The following ABHD10 variants were observed in gnomAD, a reference collection of about 807,000 sequenced individuals.
ABHD10 encodes the protein palmitoyl-protein thioesterase ABHD10, mitochondrial.
ABHD10 carries 22 observed loss-of-function variants against 33.1 expected under a neutral mutation model. That is an observed-to-expected ratio of 0.66 (90% CI 0.47 to 0.95). The LOEUF (loss-of-function observed/expected upper bound fraction) is 0.95. Among genes scored for constraint, ABHD10 ranks in the 40% least tolerant of loss-of-function variants. The probability of loss-of-function intolerance (pLI) is 0.00; values close to 1 mark genes in which losing one functional copy is unlikely to be tolerated. For synonymous variants in ABHD10, 146 were observed against 133.9 expected (o/e 1.09, Z -0.62); for missense variants, 352 against 379.9 (o/e 0.93, Z 0.61).
At chr3:111,980,437 T>C (rs535801591) in intron 1 of ABHD10, among the ~76,000 whole-genome samples, 2 of 152,324 alleles carry the variant, frequency 1.3e-5, no homozygotes, top group East Asian at 3.9e-4. Context: ...ATGGATTCTC[T>C]TCTCAAGACT....
Position 111,986,258 on chromosome 3 carries a change from T to C in ABHD10, c.327-6T>C, listed in dbSNP as rs1416927146. 2 of 1,580,542 alleles carry C rather than the reference T, an allele frequency of 1.3e-6. No individual in the cohort carries two copies. Among genetic ancestry groups the C allele is most frequent in the Non-Finnish European group, 1.7e-6 (2 of 1,153,632 alleles). On this transcript the variant is annotated splice_region_variant and splice_polypyrimidine_tract_variant and intron_variant, in intron 2 of 4. Coordinates refer to ENST00000273359, the MANE Select transcript of ABHD10 (RefSeq NM_018394.4). ...TTAGATATAGATTTTTTTCCCCTTT[T>C]TCCAGGTTTGATTACTCAGGAGTTG...
chr3:111,981,824 A>G lies in ABHD10; in HGVS notation c.183A>G (p.Pro61=). 6.3e-7 allele frequency: 1 copy of G among 1,597,494 alleles called. No homozygotes were observed. Among genetic ancestry groups the G allele is most frequent in the South Asian group, 1.1e-5 (1 of 88,476 alleles). The change falls in exon 2 of 5, where the codon CCA becomes CCG. Residue 61 remains proline (P), a synonymous_variant. Transcript: ENST00000273359. The part of the protein sequence containing the change: ...QKTSLSFLNR[P]DLPNLAYKKL... ...CGTCACTCTCATTCCTTAATCGACC[A>G]GACCTTCCAAACCTGGCTTATAAGA...
Position 111,986,306 on chromosome 3 carries a change from G to A in ABHD10, c.369G>A (p.Glu123=). 1.2e-6 allele frequency: 2 copies of A among 1,613,942 alleles called. No homozygotes were observed. Among genetic ancestry groups the A allele is most frequent in the South Asian group, 1.1e-5 (1 of 91,050 alleles). ...SGVGSSDGNS[E]ESTLGKWRKD... ...TTGGAAGTTCAGATGGTAACTCAGA[G>A]GAAAGCACACTGGGGAAATGGAGAA... Residue 123 remains glutamate (E), a synonymous_variant, in exon 3 of 5, where the codon GAG becomes GAA. Coordinates refer to ENST00000273359, the MANE Select transcript of ABHD10 (RefSeq NM_018394.4).
intron 2 of ABHD10, among the ~76,000 whole-genome samples, chr3:111,983,957 T>A (rs977724576): frequency 1.3e-5 from 2 of 151,992 alleles, no homozygotes; most frequent in Non-Finnish European, 2.9e-5. Context: ...TCAGTGAGAG[T>A]TAACTATATT....
intron 2 of ABHD10, among the ~76,000 whole-genome samples, chr3:111,985,227 T>C (rs571041644): frequency 3.9e-5 from 6 of 152,168 alleles, no homozygotes; most frequent in African/African-American, 1.4e-4. Context: ...TAGGAGTAGT[T>C]CAGTATGACT....
intron 4 of ABHD10, among the ~76,000 whole-genome samples, chr3:111,988,093 T>C (rs762459368): frequency 2.0e-5 from 3 of 151,902 alleles, no homozygotes; most frequent in Non-Finnish European, 4.4e-5. Context: ...GAGAAGGAGG[T>C]TCAGAAATTT....
rs142269214 is a variant in ABHD10 at position 111,987,130 on chromosome 3, G to T, written c.576+79G>T. 976 of 1,507,674 alleles carry T rather than the reference G, an allele frequency of 6.5e-4. 7 individuals carry two copies. Among genetic ancestry groups the T allele is most frequent in the African/African-American group, 2.6e-3 (184 of 71,268 alleles). The allele number at this position is 1,507,674 out of a possible 1,614,324, so 93.4% of individuals were successfully genotyped here. A position where few individuals can be genotyped will look rare whatever the true frequency, so the allele number is the denominator to read the frequency against. On this transcript the variant is annotated intron_variant, in intron 4 of 4. Transcript: ENST00000273359. ...CTGCTCCCTCTTTCTTTGAGGGAAGGGGGGACAGAAAACAATAATTCCTTT... is the reference window on the plus strand; with the variant it reads ...CTGCTCCCTCTTTCTTTGAGGGAAGTGGGGACAGAAAACAATAATTCCTTT...
At chr3:111,985,451 C>T (rs1295676076) in intron 2 of ABHD10, among the ~76,000 whole-genome samples, 2 of 152,136 alleles carry the variant, frequency 1.3e-5, no homozygotes, top group East Asian at 3.8e-4. Context: ...ATACACTAAG[C>T]ACCTACCACT....
chr3:111,981,692 A>T (rs2072587106), intron 1 of ABHD10, 92 bp from the exon 2 acceptor site: 2 of 1,153,926 alleles, frequency 1.7e-6, no homozygotes, highest in Non-Finnish European at 2.4e-6. Flanking sequence ...ACATCAATTC[A>T]TTGAGATAAG....
intron 4 of ABHD10, among the ~76,000 whole-genome samples, chr3:111,989,149 G>A (rs2072710511): frequency 6.6e-6 from 1 of 152,152 alleles, no homozygotes; most frequent in Non-Finnish European, 1.5e-5. Context: ...GAGCAGATGT[G>A]GAGATTTTTA....
intron 2 of ABHD10, among the ~76,000 whole-genome samples, chr3:111,983,513 T>C (rs796937751): frequency 3.3e-5 from 5 of 152,164 alleles, no homozygotes; most frequent in African/African-American, 1.2e-4. Context: ...AATATTTAGT[T>C]TGAACAAGTT....
intron 2 of ABHD10, 99 bp from the exon 3 acceptor site, chr3:111,986,165 T>C: frequency 1.6e-6 from 1 of 633,162 alleles, no homozygotes; most frequent in South Asian, 2.2e-5. Context: ...GATGTTTCAC[T>C]ATAAGCATTA....
intron 1 of ABHD10, among the ~76,000 whole-genome samples, chr3:111,981,146 A>T (rs1247184542): frequency 6.6e-6 from 1 of 152,132 alleles, no homozygotes; most frequent in East Asian, 1.9e-4. Context: ...TCCACAAAAA[A>T]TACAAAAATT....
intron 3 of ABHD10, 146 bp from the exon 4 acceptor site, chr3:111,986,768 T>G: frequency 1.5e-6 from 1 of 688,272 alleles, no homozygotes; most frequent in Non-Finnish European, 2.2e-6. Flanking sequence ...AATGTTTTTA[T>G]TTAATTTAAA....
intron 4 of ABHD10, chr3:111,990,636 C>T (rs944417157): frequency 1.5e-6 from 1 of 666,666 alleles, no homozygotes; most frequent in Admixed American, 3.3e-5. Context: ...GTTTGGCTTT[C>T]AGGAAGTATG....
Position 111,981,941 on chromosome 3 carries a change from C to T in ABHD10, c.300C>T (p.Cys100=), listed in dbSNP as rs751049797. 2 of 1,574,470 alleles carry T rather than the reference C, an allele frequency of 1.3e-6. No homozygotes were observed. Among genetic ancestry groups the T allele is most frequent in the Non-Finnish European group, 8.7e-7 (1 of 1,150,990 alleles). ...GTKALAIEEF[C]KSLGHACIRF... Reference sequence around the variant, plus strand: ...AAGCGTTGGCGATTGAGGAGTTTTGCAAATCTCTAGGTCACGCCTGCATAA... The same window carrying T: ...AAGCGTTGGCGATTGAGGAGTTTTGTAAATCTCTAGGTCACGCCTGCATAA... Residue 100 remains cysteine (C), a synonymous_variant, in exon 2 of 5, where the codon TGC becomes TGT. Coordinates refer to ENST00000273359, the MANE Select transcript of ABHD10 (RefSeq NM_018394.4).
At chr3:111,990,682 A>T (rs1407044587) in intron 4 of ABHD10, 6 of 1,321,928 alleles carry the variant, frequency 4.5e-6, no homozygotes, top group Non-Finnish European at 4.0e-6. Context: ...CAAAAATCAA[A>T]TTTTTTCTCT....
intron 2 of ABHD10, among the ~76,000 whole-genome samples, chr3:111,983,997 A>C (rs1301792688): frequency 6.6e-6 from 1 of 152,132 alleles, no homozygotes; most frequent in African/African-American, 2.4e-5. Context: ...AGTATCACCA[A>C]GTATTTATAT....
At chr3:111,980,181 TTA>T (rs1295916796) in intron 1 of ABHD10, among the ~76,000 whole-genome samples, 1 of 152,212 alleles carries the variant, frequency 6.6e-6, no homozygotes, top group African/African-American at 2.4e-5. Context: ...CTCGGGGAAA[TTA>T]TGTTTTAAGA....
Sources: allele counts gnomAD v4.1 joint callset (sites outside exome capture counted in the v4.1 genomes callset), GRCh38; gene constraint gnomAD v4.1.1; transcripts MANE v1.5; gene names NCBI Gene and HGNC (gene_info 2026-07-23, HGNC 2026-07-21).